MAP3K5: variants seen among roughly 807,000 people sequenced by gnomAD.
MAP3K5 encodes ASK-1.
MAP3K5 carries 56 observed loss-of-function variants against 158.7 expected under a neutral mutation model. The ratio of observed to expected loss-of-function variants is 0.35; its 90% CI spans 0.28 to 0.44. The LOEUF is 0.44. Among genes scored for constraint, MAP3K5 ranks in the 20% least tolerant of loss-of-function variants. The pLI is 1.00. For synonymous variants in MAP3K5, 579 were observed against 601.7 expected, an observed-to-expected ratio of 0.96 and a Z score of 0.55; for missense variants, 1,294 against 1,674.8, an observed-to-expected ratio of 0.77 and a Z score of 3.97.
chr6:136,785,620 GA>G (rs930594933), intron 1 of MAP3K5, among the ~76,000 whole-genome samples: 1 of 152,158 alleles, frequency 6.6e-6, no homozygotes, highest in East Asian at 1.9e-4. Flanking sequence ...TAAAGGAAGT[GA>G]AAGTGTTGCT....
intron 1 of MAP3K5, among the ~76,000 whole-genome samples, chr6:136,738,301 G>T (rs940197363): frequency 6.6e-6 from 1 of 152,086 alleles, no homozygotes; most frequent in Non-Finnish European, 1.5e-5. Flanking sequence ...GGGAGTTTCG[G>T]TACCTCTTCC....
intron 3 of MAP3K5, among the ~76,000 whole-genome samples, chr6:136,700,812 T>C (rs992256119): frequency 1.9e-4 from 29 of 151,870 alleles, no homozygotes; most frequent in African/African-American, 6.8e-4. Flanking sequence ...ATGAGAAAAA[T>C]CATAGAAAAA....
At chr6:136,788,583 G>A (rs1784939219) in intron 1 of MAP3K5, among the ~76,000 whole-genome samples, 1 of 152,114 alleles carries the variant, frequency 6.6e-6, no homozygotes, top group Non-Finnish European at 1.5e-5. Context: ...TTAAAAAGTA[G>A]GCGAAAGATA....
intron 1 of MAP3K5, among the ~76,000 whole-genome samples, chr6:136,737,629 A>G (rs1782532426): frequency 6.6e-6 from 1 of 152,184 alleles, no homozygotes; most frequent in South Asian, 2.1e-4. Flanking sequence ...TCCATCCATC[A>G]TAGCACCATG....
intron 1 of MAP3K5, among the ~76,000 whole-genome samples, chr6:136,788,112 G>A (rs1784922562): frequency 6.6e-6 from 1 of 152,134 alleles, no homozygotes; most frequent in South Asian, 2.1e-4. Flanking sequence ...GAGAAGTTGT[G>A]AAAGAGACCT....
chr6:136,654,687 C>T (rs577420490), intron 10 of MAP3K5, among the ~76,000 whole-genome samples: 10 of 152,290 alleles, frequency 6.6e-5, no homozygotes, highest in Admixed American at 2.6e-4. Context: ...CTCAGGTGAT[C>T]CGCCCACCTC....
rs777351155 is a variant in MAP3K5, at chr6:136,592,724, G to C, written c.2879-110C>G. The C allele has an allele frequency of 5.4e-6, 5 of 929,570 alleles. No individual in the cohort carries two copies. The Admixed American group carries it at 9.2e-5, about 17-fold the overall frequency. The allele number at this position is 929,570 out of a possible 1,614,324, so 57.6% of individuals were successfully genotyped here. A position where few individuals can be genotyped will look rare whatever the true frequency, so the allele number is the denominator to read the frequency against. ...TCTTTGTCAAATATCTTGTTGCAAT[G>C]AGCAGCATAATTATGCTATGTAAGG... On this transcript the variant is annotated intron_variant, in intron 21 of 29. Transcript: ENST00000359015.
chr6:136,601,059 A>G lies in MAP3K5; in HGVS notation c.2858-17T>C, dbSNP rs1775852641. ...CTGAAAGAGCTGTGGAAAGAAAAGC[A>G]AACAGCCATGAATAAGCACGTGCTG... is the stretch of plus-strand genomic sequence containing the variant. On this transcript the variant is annotated splice_polypyrimidine_tract_variant and intron_variant, in intron 20 of 29. Transcript: ENST00000359015. 1 of 1,613,672 alleles carries G rather than the reference A, an allele frequency of 6.2e-7. No homozygotes were observed.
intron 23 of MAP3K5, among the ~76,000 whole-genome samples, chr6:136,588,559 T>C (rs78978761): frequency 0.013 from 2,040 of 152,326 alleles, 47 homozygotes; most frequent in African/African-American, 0.047. Flanking sequence ...GATGCAGATA[T>C]TTTTGTTCAG....
At chr6:136,642,025 AAAATAAAAAT>A (rs1777980170) in intron 12 of MAP3K5, among the ~76,000 whole-genome samples, 5 of 114,636 alleles carry the variant, frequency 4.4e-5, no homozygotes, top group African/African-American at 1.2e-4. Flanking sequence ...TAAATAAAAT[AAAATAAAAAT>A]AAAATAAAAT....
intron 7 of MAP3K5, among the ~76,000 whole-genome samples, chr6:136,689,741 A>G (rs1216997286): frequency 1.3e-5 from 2 of 152,134 alleles, no homozygotes; most frequent in African/African-American, 2.4e-5. Flanking sequence ...GACAGATGCT[A>G]GCCCCTTGAT....
At chr6:136,772,982 A>T (rs1000102221) in intron 1 of MAP3K5, among the ~76,000 whole-genome samples, 12 of 152,210 alleles carry the variant, frequency 7.9e-5, no homozygotes, top group Non-Finnish European at 1.3e-4. Context: ...AGAATTCTCA[A>T]CTTAAGCTGT....
intron 8 of MAP3K5, among the ~76,000 whole-genome samples, chr6:136,663,713 G>C (rs1430765160): frequency 6.7e-6 from 1 of 150,192 alleles, no homozygotes; most frequent in Non-Finnish European, 1.5e-5. Flanking sequence ...AGGTTCAAGC[G>C]ATTCTCCTGT....
rs117492821 is a variant in MAP3K5 at position 136,686,424 on chromosome 6, G to A, written c.1253+7716C>T. Reference sequence around the variant, plus strand: ...CATAGTATTGGAAGTTACGGCCAGGGCAATCAGGGAAGAAAAAGAAAGAAA... The same window carrying A: ...CATAGTATTGGAAGTTACGGCCAGGACAATCAGGGAAGAAAAAGAAAGAAA... On this transcript the variant is annotated intron_variant, in intron 7 of 29. Coordinates refer to ENST00000359015, the MANE Select transcript of MAP3K5 (RefSeq NM_005923.4). Among the ~76,000 whole-genome samples, 168 of 152,258 alleles carry A rather than the reference G, an allele frequency of 1.1e-3. 2 individuals carry two copies. In the East Asian group the frequency reaches 0.024, roughly 22 times the overall value.
chr6:136,737,666 C>T lies in MAP3K5; in HGVS notation c.449-17077G>A, dbSNP rs551330415. Among the ~76,000 whole-genome samples the T allele has an allele frequency of 3.3e-5, 5 of 152,338 alleles. No homozygotes were observed. In the South Asian group the frequency reaches 1.0e-3, roughly 32 times the overall value. ...AATTAAGAACTCCCTTTACTCTGTT[C>T]TCCCACATGTTGATTTTAACACACA... On this transcript the variant is annotated intron_variant, in intron 1 of 29. Transcript: ENST00000359015.
At chr6:136,656,939 C>T (rs1362285817) in intron 9 of MAP3K5, among the ~76,000 whole-genome samples, 1 of 152,224 alleles carries the variant, frequency 6.6e-6, no homozygotes, top group Non-Finnish European at 1.5e-5. Flanking sequence ...CACACATTAT[C>T]TCATTTCTAT....
intron 25 of MAP3K5, among the ~76,000 whole-genome samples, chr6:136,570,028 C>A (rs1774295040): frequency 6.6e-6 from 1 of 152,102 alleles, no homozygotes; most frequent in Non-Finnish European, 1.5e-5. Flanking sequence ...ATACATGCAA[C>A]ATTTTGCCTA....
At chr6:136,566,712 T>C (rs1219897085) in intron 26 of MAP3K5, among the ~76,000 whole-genome samples, 1 of 152,232 alleles carries the variant, frequency 6.6e-6, no homozygotes, top group African/African-American at 2.4e-5. Context: ...AAGATGTGTC[T>C]ATATGGATTT....
intron 26 of MAP3K5, 59 bp from the exon 27 acceptor site, chr6:136,562,674 T>A (rs901545822): frequency 7.3e-5 from 64 of 879,222 alleles, no homozygotes; most frequent in Non-Finnish European, 1.0e-4. Context: ...TTCTTTTTTT[T>A]ATTTTTATTT....
Sources: allele counts gnomAD v4.1 joint callset (sites outside exome capture counted in the v4.1 genomes callset), GRCh38; gene constraint gnomAD v4.1.1; transcripts MANE v1.5; gene names NCBI Gene and HGNC (gene_info 2026-07-23, HGNC 2026-07-21).